The following BARD1 variants were observed in gnomAD, a reference collection of about 807,000 sequenced individuals.
The protein encoded by BARD1 is BRCA1 associated RING domain 1, also known as BRCA1-associated RING domain protein 1.
Under a neutral mutation model 77.0 loss-of-function variants are expected in BARD1, and 73 were observed. The observed-to-expected ratio is 0.95, with a 90% CI of 0.79 to 1.15. BARD1 has a LOEUF of 1.15. BARD1 is among the 50% of genes most tolerant of loss of function. The pLI, the probability that BARD1 is intolerant of heterozygous loss-of-function variation, is 0.00. For missense variants in BARD1, 993 were observed against 938.8 expected, an observed-to-expected ratio of 1.06 and a Z score of -0.75; for synonymous variants, 384 against 338.0, an observed-to-expected ratio of 1.14 and a Z score of -1.49.
At chr2:214,749,503 C>T (rs939176323) in intron 7 of BARD1, among the ~76,000 whole-genome samples, 1 of 152,076 alleles carries the variant, frequency 6.6e-6, no homozygotes, top group Non-Finnish European at 1.5e-5. Context: ...GTAATAAAAA[C>T]CCTCCTTTTC....
Position 214,781,037 on chromosome 2 carries a change from A to G in BARD1, c.837T>C (p.Ser279=), listed in dbSNP as rs760006966. 1 of 1,609,986 alleles carries G rather than the reference A, an allele frequency of 6.2e-7. No homozygotes were observed. Among genetic ancestry groups the G allele is most frequent in the South Asian group, 1.1e-5 (1 of 90,082 alleles). ...SECFGSLTEV[S]LPLAEQIESP... ...ACTCTATTTGCTCAGCCAATGGTAA[A>G]GAGACTTCAGTTAAACTTCCAAAAC... is the stretch of plus-strand genomic sequence containing the variant. Residue 279 remains serine (S), a synonymous_variant, in exon 4 of 11, where the codon TCT becomes TCC. Coordinates refer to ENST00000260947, the MANE Select transcript of BARD1 (RefSeq NM_000465.4).
chr2:214,738,685 A>G (rs1243510902), intron 9 of BARD1, among the ~76,000 whole-genome samples: 1 of 152,202 alleles, frequency 6.6e-6, no homozygotes, highest in African/African-American at 2.4e-5. Context: ...CTGAATCCAC[A>G]GTTATACAAA....
Position 214,792,278 on chromosome 2 carries a change from A to G in BARD1, c.364+19T>C. On this transcript the variant is annotated intron_variant, in intron 3 of 10. Transcript: ENST00000260947. Reference sequence around the variant, plus strand: ...TTTAACTGATGAATTTAACTAAGAGAGATAGGGATAGTTCTTACCTGACAG... The same window carrying G: ...TTTAACTGATGAATTTAACTAAGAGGGATAGGGATAGTTCTTACCTGACAG... 1 of 1,611,884 alleles carries G rather than the reference A, an allele frequency of 6.2e-7. No homozygotes were observed. Among genetic ancestry groups the G allele is most frequent in the Non-Finnish European group, 8.5e-7 (1 of 1,178,688 alleles).
At chr2:214,765,931 A>G (rs1163488317) in intron 6 of BARD1, among the ~76,000 whole-genome samples, 4 of 152,178 alleles carry the variant, frequency 2.6e-5, no homozygotes, top group Admixed American at 1.3e-4. Context: ...ATGTTAAATA[A>G]TTACCAATAA....
intron 7 of BARD1, among the ~76,000 whole-genome samples, chr2:214,748,959 C>A (rs1393986975): frequency 1.3e-5 from 2 of 152,104 alleles, no homozygotes; most frequent in Non-Finnish European, 2.9e-5. Flanking sequence ...CCTGCCCTCA[C>A]ACAGTTTATA....
At chr2:214,804,595 G>A (rs998279232) in intron 1 of BARD1, among the ~76,000 whole-genome samples, 2 of 152,156 alleles carry the variant, frequency 1.3e-5, no homozygotes, top group Non-Finnish European at 2.9e-5. Flanking sequence ...CTGCAAACTG[G>A]AGAGAACTTT....
In BARD1 at chr2:214,728,281, T is replaced by TAAAAAA. The variant is rs754881729; in HGVS notation, c.*389_*394dup. On this transcript the variant is annotated 3_prime_UTR_variant, in exon 11 of 11. Transcript: ENST00000260947. ...AATTGTTTGATAATATTCTGTTTAC[T>TAAAAAA]AAAAAAAAAAAAAAAAAAAAGGCAA... The TAAAAAA allele has an allele frequency of 2.0e-5, 3 of 149,546 alleles. No homozygotes were observed. The highest frequency in any genetic ancestry group is 2.5e-5 in the Non-Finnish European group (2 of 78,968). 9.3% of individuals were successfully genotyped at this position (149,546 alleles called of 1,614,324 possible).
At chr2:214,776,090 T>A (rs1304578499) in intron 4 of BARD1, among the ~76,000 whole-genome samples, 2 of 152,210 alleles carry the variant, frequency 1.3e-5, no homozygotes, top group Admixed American at 1.3e-4. Flanking sequence ...CAAAACATTA[T>A]CTATTATGTC....
chr2:214,780,319 A>G (rs1231145425), intron 4 of BARD1, among the ~76,000 whole-genome samples: 1 of 152,188 alleles, frequency 6.6e-6, no homozygotes, highest in African/African-American at 2.4e-5. Context: ...GCAAAATAAA[A>G]GCCGAAATAT....
At chr2:214,745,637 AT>A in intron 8 of BARD1, 84 bp downstream of exon 8, 1 of 1,521,236 alleles carries the variant, frequency 6.6e-7, no homozygotes, top group Non-Finnish European at 9.1e-7. Flanking sequence ...GTTAAAACAT[AT>A]GTAAATTATC....
intron 4 of BARD1, among the ~76,000 whole-genome samples, chr2:214,773,089 C>G (rs16852710): frequency 0.089 from 13,586 of 152,116 alleles, 742 homozygotes; most frequent in African/African-American, 0.15. Flanking sequence ...ATCTTTTATT[C>G]CTAATCTTTC....
intron 4 of BARD1, among the ~76,000 whole-genome samples, chr2:214,769,638 G>C (rs943812258): frequency 6.6e-6 from 1 of 152,186 alleles, no homozygotes; most frequent in Non-Finnish European, 1.5e-5. Context: ...CTACTTGGGA[G>C]GCTGAGGCAG....
At chr2:214,768,023 G>C (rs749397280) in intron 5 of BARD1, among the ~76,000 whole-genome samples, 6 of 152,170 alleles carry the variant, frequency 3.9e-5, no homozygotes, top group Non-Finnish European at 5.9e-5. Flanking sequence ...CATAAAATCT[G>C]TACCAGTACA....
At chr2:214,806,825 A>G (rs1696294375) in intron 1 of BARD1, among the ~76,000 whole-genome samples, 1 of 149,088 alleles carries the variant, frequency 6.7e-6, no homozygotes, top group African/African-American at 2.5e-5. Context: ...AGTGAGCTGA[A>G]ATCATGCCAC....
intron 1 of BARD1, 48 bp downstream of exon 1, chr2:214,809,364 T>A: frequency 6.2e-7 from 1 of 1,607,888 alleles, no homozygotes; most frequent in Non-Finnish European, 8.5e-7. Flanking sequence ...CCCCAGAAAC[T>A]GTGCGACCCG....
intron 4 of BARD1, among the ~76,000 whole-genome samples, chr2:214,771,243 A>G (rs1694471163): frequency 6.6e-6 from 1 of 152,152 alleles, no homozygotes; most frequent in South Asian, 2.1e-4. Flanking sequence ...GACCAAATAA[A>G]AAGCTATAGA....
intron 1 of BARD1, among the ~76,000 whole-genome samples, chr2:214,798,831 G>A (rs1407661190): frequency 1.3e-5 from 2 of 151,222 alleles, no homozygotes; most frequent in Non-Finnish European, 2.9e-5. Flanking sequence ...AAATTCATTT[G>A]GTAGCAACCG....
chr2:214,741,576 G>A (rs1692830328), intron 9 of BARD1, among the ~76,000 whole-genome samples: 1 of 152,088 alleles, frequency 6.6e-6, no homozygotes, highest in African/African-American at 2.4e-5. Flanking sequence ...TGAGGGTGGT[G>A]CTAATGGCCT....
chr2:214,730,478 C>T lies in BARD1; in HGVS notation c.1934G>A (p.Cys645Tyr). 6.2e-7 allele frequency: 1 copy of T among 1,613,992 alleles called. No individual in the cohort carries two copies. The highest frequency in any genetic ancestry group is 8.5e-7 in the Non-Finnish European group (1 of 1,179,978). ...WVKACLRRKV[C>Y]EQEEKYEIPE... is the part of the protein sequence containing the mutation. ...AATTTCATACTTTTCTTCCTGTTCA[C>T]ATACTTTTCTTCGTAGACATGCTTT... is the stretch of plus-strand genomic sequence containing the variant. The change falls in exon 10 of 11, where the codon TGT becomes TAT. Residue 645 changes from cysteine to tyrosine, a missense_variant. Transcript: ENST00000260947.
Sources: allele counts gnomAD v4.1 joint callset (sites outside exome capture counted in the v4.1 genomes callset), GRCh38; gene constraint gnomAD v4.1.1; transcripts MANE v1.5; gene names NCBI Gene and HGNC (gene_info 2026-07-23, HGNC 2026-07-21).